The following ATP11C variants were observed in gnomAD, a reference collection of about 807,000 sequenced individuals.
ATP11C encodes ATPase phospholipid transporting 11C (ATP11C blood group), also known as phospholipid-transporting ATPase IG.
In ATP11C, 36 loss-of-function variants were observed where a neutral mutation model predicts 97.4. The observed-to-expected ratio is 0.37, with a 90% confidence interval of 0.28 to 0.49. The LOEUF (loss-of-function observed/expected upper bound fraction) is 0.49. ATP11C is among the 20% of genes least tolerant of loss of function. The pLI is 0.98. For missense variants in ATP11C, 730 were observed against 824.6 expected (o/e 0.89, Z 1.40); for synonymous variants, 275 against 290.9 (o/e 0.95, Z 0.56).
At chrX:139,750,260 T>C in intron 23 of ATP11C, 108 bp from the exon 24 acceptor site, 1 of 789,775 alleles carries the variant, frequency 1.3e-6, no homozygotes. Context: ...GAAATTTTTT[T>C]ACATGCTTTT....
intron 22 of ATP11C, 31 bp from the exon 23 acceptor site, chrX:139,757,898 C>G: frequency 1.0e-6 from 1 of 995,299 alleles, no homozygotes; most frequent in African/African-American, 1.9e-5. Flanking sequence ...CAAGGATTAA[C>G]ATTTTCACTT....
intron 27 of ATP11C, among the ~76,000 whole-genome samples, chrX:139,739,145 T>G (rs1228651923): frequency 2.7e-5 from 3 of 110,971 alleles, no homozygotes; most frequent in African/African-American, 3.3e-5. Flanking sequence ...TGCAGAACTC[T>G]ACCTCACTCA....
intron 18 of ATP11C, among the ~76,000 whole-genome samples, chrX:139,778,772 T>C (rs1930422258): frequency 9.0e-6 from 1 of 111,439 alleles, no homozygotes; most frequent in South Asian, 3.8e-4. Context: ...GAAGTTGCAG[T>C]GAGCCAGGAT....
In ATP11C at chrX:139,785,221, T is replaced by G; in HGVS notation, c.1666+5A>C. 8.4e-7 allele frequency: 1 copy of G among 1,194,210 alleles called. No homozygotes were observed. The highest frequency in any genetic ancestry group is 1.1e-6 in the Non-Finnish European group (1 of 883,983). On this transcript the variant is annotated splice_donor_5th_base_variant and intron_variant, in intron 16 of 29. Transcript: ENST00000682941. ...GAGAAAAATTCAAGCTTTTCAGACA[T>G]GTACCTTCTTGAGTCTTCACAATTA... is the stretch of plus-strand genomic sequence containing the variant.
At chrX:139,901,720 T>A (rs1020869863) in intron 1 of ATP11C, among the ~76,000 whole-genome samples, 2 of 111,955 alleles carry the variant, frequency 1.8e-5, no homozygotes, top group African/African-American at 6.5e-5. Context: ...GAACACACTG[T>A]ACAGCCCACA....
chrX:139,761,576 C>T (rs965556699), intron 22 of ATP11C, among the ~76,000 whole-genome samples: 18 of 110,933 alleles, frequency 1.6e-4, no homozygotes, highest in Non-Finnish European at 2.5e-4. Context: ...GTGATCCTCC[C>T]GCCTTGGCCT....
chrX:139,781,148 C>T (rs970699160), intron 18 of ATP11C, among the ~76,000 whole-genome samples: 14 of 111,406 alleles, frequency 1.3e-4, no homozygotes, highest in African/African-American at 4.6e-4. Flanking sequence ...TTCTTAAAGA[C>T]GACAAGAGAA....
upstream of ATP11C, among the ~76,000 whole-genome samples, chrX:139,935,671 G>A (rs1363280637): frequency 9.0e-6 from 1 of 111,274 alleles, no homozygotes; most frequent in Non-Finnish European, 1.9e-5. Context: ...TATACTCATG[G>A]GTCCAGTCTA....
chrX:139,815,150 G>A (rs902285422), intron 4 of ATP11C, among the ~76,000 whole-genome samples, 165 bp from the exon 5 acceptor site: 6 of 112,104 alleles, frequency 5.4e-5, no homozygotes, highest in Non-Finnish European at 9.4e-5. Flanking sequence ...TAGCAAATCT[G>A]AGACACACTT....
chrX:139,888,225 C>T (rs2084676089), intron 1 of ATP11C, among the ~76,000 whole-genome samples: 1 of 107,637 alleles, frequency 9.3e-6, no homozygotes, highest in Admixed American at 1.0e-4. Context: ...CCTCTGCCTC[C>T]CGGGTTCAGG....
chrX:139,756,557 A>G (rs1280298539), intron 23 of ATP11C, among the ~76,000 whole-genome samples: 1 of 111,933 alleles, frequency 8.9e-6, no homozygotes, highest in Non-Finnish European at 1.9e-5. Flanking sequence ...AATATCAAAG[A>G]TATGTAATCA....
intron 18 of ATP11C, 151 bp from the exon 19 acceptor site, chrX:139,775,104 AT>A: frequency 1.9e-6 from 1 of 534,751 alleles, no homozygotes; most frequent in Non-Finnish European, 2.7e-6. Context: ...TCCCCTACTC[AT>A]TCTGAGTGTT....
chrX:139,882,402 G>C (rs778513298), intron 1 of ATP11C, among the ~76,000 whole-genome samples: 3 of 111,363 alleles, frequency 2.7e-5, no homozygotes, highest in Non-Finnish European at 1.9e-5. Context: ...CAACTACAAG[G>C]AGCACAACTG....
intron 1 of ATP11C, among the ~76,000 whole-genome samples, chrX:139,923,585 T>G (rs1020132444): frequency 3.6e-5 from 4 of 112,299 alleles, no homozygotes; most frequent in Non-Finnish European, 7.5e-5. Context: ...AATTGTACAC[T>G]ATACTATAGA....
intron 28 of ATP11C, chrX:139,737,662 T>C (rs981241656): frequency 3.5e-6 from 1 of 282,010 alleles, no homozygotes. Context: ...AAATTCCATA[T>C]GGAGCATATG....
intron 1 of ATP11C, among the ~76,000 whole-genome samples, chrX:139,899,371 G>A (rs771282531): frequency 8.2e-5 from 9 of 109,517 alleles, no homozygotes; most frequent in African/African-American, 2.3e-4. Flanking sequence ...CAGCTACTCG[G>A]GAGGCTGAGG....
In ATP11C at chrX:139,785,209, G is replaced by A. The variant is rs375892391; in HGVS notation, c.1666+17C>T. 2.6e-6 allele frequency: 3 copies of A among 1,170,809 alleles called. No individual in the cohort carries two copies. Among genetic ancestry groups the A allele is most frequent in the Non-Finnish European group, 1.2e-6 (1 of 869,139 alleles). On this transcript the variant is annotated intron_variant, in intron 16 of 29. Coordinates refer to ENST00000682941, the MANE Select transcript of ATP11C (RefSeq NM_001353812.2). ...CAAATCAACAAAGAGAAAAATTCAA[G>A]CTTTTCAGACATGTACCTTCTTGAG...
intron 1 of ATP11C, among the ~76,000 whole-genome samples, chrX:139,911,308 G>GT (rs913123960): frequency 1.8e-5 from 2 of 111,653 alleles, no homozygotes; most frequent in African/African-American, 6.5e-5. Context: ...ATAGAAAATA[G>GT]TAAAAGGAAA....
intron 18 of ATP11C, among the ~76,000 whole-genome samples, chrX:139,777,604 G>A (rs1229448890): frequency 9.0e-6 from 1 of 111,092 alleles, no homozygotes; most frequent in Non-Finnish European, 1.9e-5. Flanking sequence ...TATATTTGGG[G>A]AATAATTCAG....
Sources: allele counts gnomAD v4.1 joint callset (sites outside exome capture counted in the v4.1 genomes callset), GRCh38; gene constraint gnomAD v4.1.1; transcripts MANE v1.5; gene names NCBI Gene and HGNC (gene_info 2026-07-23, HGNC 2026-07-21).